SLC9A7: variants seen among roughly 807,000 people sequenced by gnomAD.
The protein encoded by SLC9A7 is solute carrier family 9 member A7.
Under a neutral mutation model 52.6 loss-of-function variants are expected in SLC9A7, and 19 were observed. The observed-to-expected ratio is 0.36, with a 90% CI of 0.25 to 0.53. The LOEUF (loss-of-function observed/expected upper bound fraction) is 0.53, where lower values mean the gene tolerates loss of function less well. Ranked by LOEUF, SLC9A7 falls within the 20% of genes least tolerant of loss-of-function variation. SLC9A7 has a pLI of 0.91. For synonymous variants in SLC9A7, 226 were observed against 252.1 expected, an observed-to-expected ratio of 0.90 and a Z score of 0.98; for missense variants, 455 against 597.9, an observed-to-expected ratio of 0.76 and a Z score of 2.49.
chrX:46,758,622 T>G, intron 1 of SLC9A7, 83 bp downstream of exon 1: 2 of 579,298 alleles, frequency 3.5e-6, no homozygotes, highest in Non-Finnish European at 5.0e-6. Context: ...CGTTGGCAAG[T>G]GAAGGGGGAG....
At chrX:46,639,522 C>T (rs886812063) in intron 12 of SLC9A7, among the ~76,000 whole-genome samples, 7 of 109,804 alleles carry the variant, frequency 6.4e-5, no homozygotes, top group Admixed American at 5.9e-4. Flanking sequence ...ACCTTGTGAT[C>T]CGCCCACCTC....
At chrX:46,608,249 G>A (rs1223568867) in intron 16 of SLC9A7, among the ~76,000 whole-genome samples, 2 of 112,685 alleles carry the variant, frequency 1.8e-5, no homozygotes, top group Admixed American at 1.9e-4. Flanking sequence ...CACAGTAGGT[G>A]CTAAGTGAAT....
At chrX:46,741,843 A>C (rs1304884862) in intron 1 of SLC9A7, among the ~76,000 whole-genome samples, 1 of 110,269 alleles carries the variant, frequency 9.1e-6, no homozygotes, top group Non-Finnish European at 1.9e-5. Context: ...AAGATACTGA[A>C]AAGAAAAAAA....
Position 46,602,123 on chromosome X carries a change from C to T in SLC9A7, c.*4829G>A, listed in dbSNP as rs1341014561. ...AGTTAGCAGCTCAGTTAAGACAATA[C>T]CTTCCCTTTATTCCCCACAAGTGGG... On this transcript the variant is annotated 3_prime_UTR_variant, in exon 17 of 17. Transcript: ENST00000616978. 2.7e-5 allele frequency: 3 copies of T among 111,216 alleles called. No homozygotes were observed. The highest frequency in any genetic ancestry group is 9.8e-5 in the African/African-American group (3 of 30,557). 9.2% of individuals were successfully genotyped at this position (111,216 alleles called of 1,213,427 possible).
intron 5 of SLC9A7, among the ~76,000 whole-genome samples, chrX:46,665,715 A>C (rs906682629): frequency 3.6e-5 from 4 of 110,521 alleles, no homozygotes; most frequent in Non-Finnish European, 7.6e-5. Context: ...TCACCTTTGT[A>C]CTCCTTGAGT....
intron 1 of SLC9A7, among the ~76,000 whole-genome samples, chrX:46,719,052 C>T (rs1434661565): frequency 9.0e-6 from 1 of 111,374 alleles, no homozygotes; most frequent in Non-Finnish European, 1.9e-5. Flanking sequence ...ACCCAAATGT[C>T]CATCAATGAT....
At chrX:46,655,953 C>T (rs1274436069) in intron 7 of SLC9A7, among the ~76,000 whole-genome samples, 38 of 111,170 alleles carry the variant, frequency 3.4e-4, no homozygotes, top group South Asian at 1.1e-3. Context: ...CAGTAACCTC[C>T]GCAGACTTAA....
At chrX:46,757,041 C>A in intron 1 of SLC9A7, among the ~76,000 whole-genome samples, 1 of 112,269 alleles carries the variant, frequency 8.9e-6, no homozygotes, top group Non-Finnish European at 1.9e-5. Context: ...AAATCTACCT[C>A]CTATTTCACA....
intron 1 of SLC9A7, among the ~76,000 whole-genome samples, chrX:46,742,990 G>A (rs1921474882): frequency 9.1e-6 from 1 of 110,253 alleles, no homozygotes; most frequent in Non-Finnish European, 1.9e-5. Flanking sequence ...GTGTGAGGCT[G>A]CAGTGAGCTG....
chrX:46,683,757 G>T (rs1294172834), intron 1 of SLC9A7, among the ~76,000 whole-genome samples: 1 of 112,091 alleles, frequency 8.9e-6, no homozygotes, highest in Non-Finnish European at 1.9e-5. Context: ...TAATTCTCTA[G>T]AAGGAAAATT....
intron 2 of SLC9A7, 28 bp downstream of exon 2, chrX:46,682,308 C>G: frequency 8.4e-7 from 1 of 1,193,180 alleles, no homozygotes; most frequent in South Asian, 1.8e-5. Context: ...CATGTCAGGA[C>G]AAGGATGGCT....
chrX:46,723,272 G>A (rs1454130782), intron 1 of SLC9A7, among the ~76,000 whole-genome samples: 5 of 94,250 alleles, frequency 5.3e-5, no homozygotes, highest in Non-Finnish European at 6.2e-5. Context: ...GGGGCAGCCC[G>A]TGGTGTATCG....
chrX:46,652,472 G>A (rs143445822), intron 8 of SLC9A7, among the ~76,000 whole-genome samples: 5 of 111,603 alleles, frequency 4.5e-5, no homozygotes, highest in African/African-American at 6.5e-5. Context: ...ACAGTCTAGG[G>A]CTTTAGACAA....
chrX:46,688,643 C>A (rs1242434551), intron 1 of SLC9A7, among the ~76,000 whole-genome samples: 1 of 109,373 alleles, frequency 9.1e-6, no homozygotes, highest in Admixed American at 9.8e-5. Context: ...ACAGGCACAG[C>A]AGCACTTGTT....
At chrX:46,663,592 C>T (rs1238547936) in intron 5 of SLC9A7, among the ~76,000 whole-genome samples, 1 of 92,105 alleles carries the variant, frequency 1.1e-5, no homozygotes, top group Non-Finnish European at 2.1e-5. Flanking sequence ...GAGCCAAGAT[C>T]GTGCCATTGC....
At chrX:46,689,071 TAA>T (rs1944343236) in intron 1 of SLC9A7, among the ~76,000 whole-genome samples, 1 of 111,705 alleles carries the variant, frequency 9.0e-6, no homozygotes, top group Non-Finnish European at 1.9e-5. Flanking sequence ...TAGATTCATG[TAA>T]GCACCACTGC....
At chrX:46,662,345 G>A (rs747296365) in intron 6 of SLC9A7, among the ~76,000 whole-genome samples, 188 bp from the exon 7 acceptor site, 17 of 112,052 alleles carry the variant, frequency 1.5e-4, no homozygotes, top group Admixed American at 1.0e-3. Context: ...CAGCCACCAT[G>A]TTACGCTGGT....
intron 1 of SLC9A7, among the ~76,000 whole-genome samples, chrX:46,726,131 C>A (rs1012993950): frequency 7.2e-5 from 8 of 110,910 alleles, no homozygotes; most frequent in African/African-American, 2.3e-4. Context: ...CTCACTCCTG[C>A]AATCCTAACA....
At chrX:46,700,102 CA>C (rs368524447) in intron 1 of SLC9A7, among the ~76,000 whole-genome samples, 2,051 of 88,317 alleles carry the variant, frequency 0.023, 38 homozygotes, top group African/African-American at 0.071. Context: ...AACCTTGTCT[CA>C]AAAAAAAAAA....
Sources: allele counts gnomAD v4.1 joint callset (sites outside exome capture counted in the v4.1 genomes callset), GRCh38; gene constraint gnomAD v4.1.1; transcripts MANE v1.5; gene names NCBI Gene and HGNC (gene_info 2026-07-23, HGNC 2026-07-21).